KIRREL3: variants seen among roughly 807,000 people sequenced by gnomAD.
KIRREL3 encodes kin of IRRE-like protein 3.
A neutral mutation model predicts 89.7 loss-of-function variants in KIRREL3; 36 were observed. The ratio of observed to expected loss-of-function variants is 0.40; its 90% CI spans 0.31 to 0.53. The LOEUF (loss-of-function observed/expected upper bound fraction) is 0.53, where lower values mean the gene tolerates loss of function less well. Ranked by LOEUF, KIRREL3 falls within the 20% of genes least tolerant of loss-of-function variation. The probability of loss-of-function intolerance (pLI) is 0.49; values close to 1 mark genes in which losing one functional copy is unlikely to be tolerated. For missense variants in KIRREL3, 864 were observed against 1,056.6 expected (o/e 0.82, Z 2.53); for synonymous variants, 445 against 441.4 (o/e 1.01, Z -0.10).
intron 1 of KIRREL3, among the ~76,000 whole-genome samples, chr11:126,592,796 G>A (rs1428582830): frequency 2.6e-5 from 4 of 152,232 alleles, no homozygotes; most frequent in African/African-American, 9.6e-5. Flanking sequence ...GGAAGAGAAA[G>A]CTATTGAGCT....
chr11:126,950,188 A>G (rs1390200551), intron 1 of KIRREL3, among the ~76,000 whole-genome samples: 3 of 152,184 alleles, frequency 2.0e-5, no homozygotes, highest in Non-Finnish European at 4.4e-5. Context: ...CCTGGCCCAC[A>G]TGGTGAAACT....
intron 2 of KIRREL3, among the ~76,000 whole-genome samples, chr11:126,547,611 G>C (rs1938913071): frequency 6.6e-6 from 1 of 152,126 alleles, no homozygotes; most frequent in South Asian, 2.1e-4. Flanking sequence ...CTTTCCCTCT[G>C]GGCAGTGCAG....
chr11:126,825,240 CT>C (rs1272494259), intron 1 of KIRREL3, among the ~76,000 whole-genome samples: 1 of 152,158 alleles, frequency 6.6e-6, no homozygotes, highest in Non-Finnish European at 1.5e-5. Context: ...TGCTTCATGT[CT>C]GTGCACTTGA....
chr11:126,792,224 A>G (rs972781341), intron 1 of KIRREL3, among the ~76,000 whole-genome samples: 1 of 152,204 alleles, frequency 6.6e-6, no homozygotes, highest in Admixed American at 6.5e-5. Flanking sequence ...GTGCTTTCCA[A>G]TCTGTAGAAT....
chr11:126,845,746 C>T (rs914171546), intron 1 of KIRREL3, among the ~76,000 whole-genome samples: 1 of 152,092 alleles, frequency 6.6e-6, no homozygotes, highest in Non-Finnish European at 1.5e-5. Context: ...TATGAATTAC[C>T]TTAAATTTTC....
intron 1 of KIRREL3, among the ~76,000 whole-genome samples, chr11:126,971,935 T>C (rs1949434065): frequency 1.3e-5 from 2 of 152,168 alleles, no homozygotes; most frequent in South Asian, 4.1e-4. Flanking sequence ...CAGTCCAGGA[T>C]AGACAGATTA....
chr11:126,988,872 T>G (rs1467604807), intron 1 of KIRREL3, among the ~76,000 whole-genome samples: 1 of 152,148 alleles, frequency 6.6e-6, no homozygotes. Context: ...TAGAGAAACA[T>G]GCTGAGGCCA....
intron 1 of KIRREL3, among the ~76,000 whole-genome samples, chr11:126,947,482 C>T (rs150012059): frequency 1.3e-4 from 20 of 152,286 alleles, no homozygotes; most frequent in East Asian, 3.9e-4. Flanking sequence ...CCTGTCTTGG[C>T]GGATTTAGAA....
rs3902913 is a variant in KIRREL3, at chr11:126,476,818, C to T, written c.434-3352G>A. On this transcript the variant is annotated intron_variant, in intron 4 of 16. Transcript: ENST00000525144. The surrounding 1 kb of genome is among the most constrained non-coding windows in gnomAD (Gnocchi z 6.4). The stretch of plus-strand genomic sequence containing the variant: ...TCGGCCAGGCTGGGCCAGGCAGTGG[C>T]GAGGGGAGGAAGTTTCAGAGTGGTC... Among the ~76,000 whole-genome samples, 9,316 of 152,162 alleles carry T rather than the reference C, an allele frequency of 0.061. 317 individuals carry two copies. Among genetic ancestry groups the T allele is most frequent in the African/African-American group, 0.094 (3,907 of 41,490 alleles).
rs1940122047 is a variant in KIRREL3 at position 126,561,527 on chromosome 11, G to C, written c.133+1308C>G. ...CAGTTCCCACAAATTAGAAGTTACTGCCTAGCAGTCTTGTCAAGGCAGTGG... is the reference window on the plus strand; with the variant it reads ...CAGTTCCCACAAATTAGAAGTTACTCCCTAGCAGTCTTGTCAAGGCAGTGG... On this transcript the variant is annotated intron_variant, in intron 2 of 16. Transcript: ENST00000525144. This position sits in a 1 kb window ranked among gnomAD's most constrained non-coding sequence, Gnocchi z 4.5. Among the ~76,000 whole-genome samples the C allele has an allele frequency of 6.6e-6, 1 of 152,202 alleles. No homozygotes were observed. Among genetic ancestry groups the C allele is most frequent in the African/African-American group, 2.4e-5 (1 of 41,450 alleles).
intron 5 of KIRREL3, among the ~76,000 whole-genome samples, chr11:126,464,538 GAAGAAA>G (rs71048791): frequency 0.64 from 94,418 of 148,556 alleles, 30,408 homozygotes; most frequent in East Asian, 0.82. Flanking sequence ...CTCAGAAGAA[GAAGAAA>G]AAGAAAAAGA....
In KIRREL3 at chr11:126,978,840, G is replaced by A. The variant is rs946854301; in HGVS notation, c.55+21615C>T. 6.6e-6 allele frequency among the ~76,000 whole-genome samples: 1 copy of A among 152,108 alleles called. No homozygotes were observed. Among genetic ancestry groups the A allele is most frequent in the Admixed American group, 6.6e-5 (1 of 15,262 alleles). On this transcript the variant is annotated intron_variant, in intron 1 of 16. Transcript: ENST00000525144. This position sits in a 1 kb window ranked among gnomAD's most constrained non-coding sequence, Gnocchi z 4.2. ...CCTGGGTCCCTACCTCTCTGCACCC[G>A]GGATGCTTATTCTCTTACCTGGCTT...
At chr11:126,824,428 G>A (rs533598552) in intron 1 of KIRREL3, among the ~76,000 whole-genome samples, 2 of 152,330 alleles carry the variant, frequency 1.3e-5, no homozygotes, top group South Asian at 4.1e-4. Context: ...CTCAAGTTCA[G>A]GGAGGGTAAA....
In KIRREL3 at chr11:126,752,156, C is replaced by T. The variant is rs565258085; in HGVS notation, c.56-189244G>A. Among the ~76,000 whole-genome samples the T allele has an allele frequency of 4.6e-5, 7 of 152,226 alleles. No individual in the cohort carries two copies. In the South Asian group the frequency reaches 8.3e-4, roughly 18 times the overall value. ...GATACCTGTCCCTGAGTTATGAAGA[C>T]GGGGTAAGCTAATGTATTGAAAGGA... On this transcript the variant is annotated intron_variant, in intron 1 of 16. Coordinates refer to ENST00000525144, the MANE Select transcript of KIRREL3 (RefSeq NM_032531.4). This position sits in a 1 kb window ranked among gnomAD's most constrained non-coding sequence, Gnocchi z 4.8.
intron 1 of KIRREL3, among the ~76,000 whole-genome samples, chr11:126,923,176 CTCTTCTTCTTCTCTTCTTCTTCTTCTTCT>C (rs1947458632): frequency 5.6e-5 from 1 of 17,988 alleles, no homozygotes; most frequent in African/African-American, 2.3e-4. Context: ...TCTTCTTCTT[CTCTTCTTCTTCTCTTCTTCTTCTTCTTCT>C]TCTTCTTCTT....
In KIRREL3 at chr11:126,752,636, C is replaced by G. The variant is rs1219602700; in HGVS notation, c.56-189724G>C. Among the ~76,000 whole-genome samples, 1 of 152,112 alleles carries G rather than the reference C, an allele frequency of 6.6e-6. No homozygotes were observed. Among genetic ancestry groups the G allele is most frequent in the African/African-American group, 2.4e-5 (1 of 41,418 alleles). On this transcript the variant is annotated intron_variant, in intron 1 of 16. Coordinates refer to ENST00000525144, the MANE Select transcript of KIRREL3 (RefSeq NM_032531.4). The surrounding 1 kb of genome is among the most constrained non-coding windows in gnomAD (Gnocchi z 4.8). Reference sequence around the variant, plus strand: ...GCACTCTAATGACTACTATTCCCCCCCCACCCACTGCCTCCCAAGATTCAC... The same window carrying G: ...GCACTCTAATGACTACTATTCCCCCGCCACCCACTGCCTCCCAAGATTCAC...
chr11:126,760,919 A>G (rs1366665677), intron 1 of KIRREL3, among the ~76,000 whole-genome samples: 2 of 152,238 alleles, frequency 1.3e-5, no homozygotes, highest in Non-Finnish European at 2.9e-5. Flanking sequence ...AGGAATTACC[A>G]TTAATGGAGG....
intron 1 of KIRREL3, among the ~76,000 whole-genome samples, chr11:126,831,781 C>G (rs1459390880): frequency 1.3e-5 from 2 of 152,044 alleles, no homozygotes; most frequent in African/African-American, 4.8e-5. Flanking sequence ...AAAGCATGAA[C>G]CCGAAGTTGT....
chr11:126,433,372 G>A (rs1366363461), intron 13 of KIRREL3, among the ~76,000 whole-genome samples: 5 of 152,222 alleles, frequency 3.3e-5, no homozygotes, highest in Admixed American at 2.0e-4. Context: ...GCTGCTGGGA[G>A]GAGGTATCAA....
Sources: allele counts gnomAD v4.1 joint callset (sites outside exome capture counted in the v4.1 genomes callset), GRCh38; gene constraint gnomAD v4.1.1; non-coding constraint Gnocchi (gnomAD v3.1); transcripts MANE v1.5; gene names NCBI Gene and HGNC (gene_info 2026-07-23, HGNC 2026-07-21).